The following TTLL10 variants were observed in gnomAD, a reference collection of about 807,000 sequenced individuals.
The protein encoded by TTLL10 is tubulin tyrosine ligase like 10, also known as inactive polyglycylase TTLL10.
Under a neutral mutation model 69.0 loss-of-function variants are expected in TTLL10, and 61 were observed. The ratio of observed to expected loss-of-function variants is 0.88; its 90% CI spans 0.72 to 1.09. TTLL10 has a LOEUF of 1.09. TTLL10 is among the 50% of genes least tolerant of loss of function. The pLI is 0.00. For missense variants in TTLL10, 962 were observed against 945.9 expected (o/e 1.02, Z -0.22); for synonymous variants, 408 against 393.3 (o/e 1.04, Z -0.44).
intron 13 of TTLL10, among the ~76,000 whole-genome samples, chr1:1,187,145 CA>C (rs2100899977): frequency 6.6e-6 from 1 of 152,174 alleles, no homozygotes; most frequent in African/African-American, 2.4e-5. Flanking sequence ...CGCGCCCGGC[CA>C]AAAGTTCTTT....
intron 11 of TTLL10, 136 bp from the exon 12 acceptor site, chr1:1,183,784 C>T: frequency 8.6e-7 from 1 of 1,162,006 alleles, no homozygotes; most frequent in Non-Finnish European, 1.2e-6. Flanking sequence ...CAGAAATGCC[C>T]CCTTTCCCTG....
In TTLL10 at chr1:1,181,533, C is replaced by T. The variant is rs1410422952; in HGVS notation, c.756-208C>T. Among the ~76,000 whole-genome samples the T allele has an allele frequency of 1.3e-5, 2 of 152,154 alleles. No homozygotes were observed. The highest frequency in any genetic ancestry group is 6.5e-5 in the Admixed American group (1 of 15,284). On this transcript the variant is annotated intron_variant, in intron 8 of 15. Transcript: ENST00000379289. This position sits in a 1 kb window ranked among gnomAD's most constrained non-coding sequence, Gnocchi z 4.6. ...ACCCCCCGCCCCTGGTTGCCTGTGA[C>T]ACCAGCTTTACACCATGTCCAGCGT... is the stretch of plus-strand genomic sequence containing the variant.
Position 1,185,198 on chromosome 1 carries a change from G to A in TTLL10, c.1401+89G>A, listed in dbSNP as rs1000228326. The A allele has an allele frequency of 5.8e-6, 9 of 1,554,118 alleles. No homozygotes were observed. Among genetic ancestry groups the A allele is most frequent in the African/African-American group, 4.1e-5 (3 of 72,534 alleles). The stretch of plus-strand genomic sequence containing the variant: ...CTGGGCACCAGGCACACAGATGTCC[G>A]TGGCGTGCGTGGGCGGCTGCGCTGA... On this transcript the variant is annotated intron_variant, in intron 13 of 15. Transcript: ENST00000379289. The surrounding 1 kb of genome is among the most constrained non-coding windows in gnomAD (Gnocchi z 6.1).
At position 1,180,296 on chromosome 1, in the gene TTLL10, G is replaced by A. The variant is rs368069838; in HGVS notation, c.462G>A (p.Arg154=). The A allele has an allele frequency of 3.8e-5, 60 of 1,588,522 alleles. No homozygotes were observed. The highest frequency in any genetic ancestry group is 1.4e-4 in the East Asian group (6 of 43,510). ...GGAAGCCATCGCCCCACAGCACCCG[G>A]CCGGGGCCCTTCTTCTACATTGGAG... is the stretch of plus-strand genomic sequence containing the variant. ...GGGKPSPHST[R]PGPFFYIGGS... The change falls in exon 6 of 16, where the codon CGG becomes CGA. Residue 154 remains arginine, a synonymous_variant. Transcript: ENST00000379289.
chr1:1,197,523 C>T lies in TTLL10; in HGVS notation c.1698C>T (p.His566=), dbSNP rs1164642868. The T allele has an allele frequency of 1.3e-6, 2 of 1,537,156 alleles. No individual in the cohort carries two copies. The highest frequency in any genetic ancestry group is 1.7e-6 in the Non-Finnish European group (2 of 1,144,196). The part of the protein sequence containing the change: ...LLSQRRFVLL[H]NGEADPRPHL... ...CCCAGCGCCGCTTCGTGCTCCTGCA[C>T]AACGGTGAGGCCGACCCGCGGCCGC... The change falls in exon 16 of 16, where the codon CAC becomes CAT. Residue 566 remains histidine, a synonymous_variant. Coordinates refer to ENST00000379289, the MANE Select transcript of TTLL10 (RefSeq NM_001130045.2).
chr1:1,178,741 G>C (rs1460644073), intron 3 of TTLL10, among the ~76,000 whole-genome samples: 8 of 152,128 alleles, frequency 5.3e-5, no homozygotes, highest in Admixed American at 2.6e-4. Context: ...GGCCGCAGAG[G>C]AACCCTGATG....
chr1:1,195,931 G>A (rs955430775), intron 13 of TTLL10, among the ~76,000 whole-genome samples: 5 of 151,604 alleles, frequency 3.3e-5, no homozygotes, highest in African/African-American at 4.8e-5. Context: ...TGTGAGCCAC[G>A]CGCCCGACCA....
Position 1,185,493 on chromosome 1 carries a change from G to A in TTLL10, c.1401+384G>A. 1 of 1,071,670 alleles carries A rather than the reference G, an allele frequency of 9.3e-7. No homozygotes were observed. The highest frequency in any genetic ancestry group is 1.1e-6 in the Non-Finnish European group (1 of 885,422). The allele number at this position is 1,071,670 out of a possible 1,614,324, so 66.4% of individuals were successfully genotyped here. Reference sequence around the variant, plus strand: ...CCGGGCCAGGTGTCCTGGAGCAGCAGCAGCTGCCCGTGCAGGCCCGGACTC... The same window carrying A: ...CCGGGCCAGGTGTCCTGGAGCAGCAACAGCTGCCCGTGCAGGCCCGGACTC... On this transcript the variant is annotated intron_variant, in intron 13 of 15. Coordinates refer to ENST00000379289, the MANE Select transcript of TTLL10 (RefSeq NM_001130045.2). This position sits in a 1 kb window ranked among gnomAD's most constrained non-coding sequence, Gnocchi z 6.1.
chr1:1,180,169 GACCCCCTGGGCTCCTGAAC>G lies in TTLL10; in HGVS notation c.337_355del (p.Pro113AlafsTer74). 6.2e-7 allele frequency: 1 copy of G among 1,611,270 alleles called. No homozygotes were observed. Among genetic ancestry groups the G allele is most frequent in the Non-Finnish European group, 8.5e-7 (1 of 1,179,408 alleles). On this transcript the variant is annotated frameshift_variant, in exon 6 of 16. Transcript: ENST00000379289. LOFTEE classifies it high-confidence loss of function. Reference sequence around the variant, plus strand: ...GCAGAAAGAGCCTCTGCCACACCCGGACCCCCTGGGCTCCTGAACAGCCACCGGCCTGCAGACTCGGATG... The same window carrying G: ...GCAGAAAGAGCCTCTGCCACACCCGGAGCCACCGGCCTGCAGACTCGGATG...
intron 3 of TTLL10, among the ~76,000 whole-genome samples, chr1:1,178,650 T>C (rs1409686163): frequency 2.0e-5 from 3 of 152,024 alleles, no homozygotes; most frequent in East Asian, 1.9e-4. Context: ...GTCGAGGAAC[T>C]GGCTGAAAAT....
At chr1:1,178,982 G>A (rs1646954956) in intron 3 of TTLL10, among the ~76,000 whole-genome samples, 1 of 152,236 alleles carries the variant, frequency 6.6e-6, no homozygotes, top group African/African-American at 2.4e-5. Context: ...GAGACAGGGT[G>A]CAGAGACAGC....
At position 1,185,784 on chromosome 1, in the gene TTLL10, G is replaced by A. The variant is rs867717902; in HGVS notation, c.1401+675G>A. 6.8e-5 allele frequency: 67 copies of A among 985,356 alleles called. No homozygotes were observed. The highest frequency in any genetic ancestry group is 5.2e-4 in the Middle Eastern group (1 of 1,936). 61.0% of individuals were successfully genotyped at this position (985,356 alleles called of 1,614,324 possible). On this transcript the variant is annotated intron_variant, in intron 13 of 15. Coordinates refer to ENST00000379289, the MANE Select transcript of TTLL10 (RefSeq NM_001130045.2). This position sits in a 1 kb window ranked among gnomAD's most constrained non-coding sequence, Gnocchi z 6.1. ...GGCTGGGACGGCAGCGCTCAGAGGA[G>A]CCTCCAGTTACTTTCCTCACATCTC... is the stretch of plus-strand genomic sequence containing the variant.
Position 1,182,556 on chromosome 1 carries a change from G to A in TTLL10, c.916+110G>A, listed in dbSNP as rs559317076. 25 of 1,173,752 alleles carry A rather than the reference G, an allele frequency of 2.1e-5. No individual in the cohort carries two copies. The South Asian group carries it at 2.6e-4, about 12-fold the overall frequency. The allele number at this position is 1,173,752 out of a possible 1,614,324, so 72.7% of individuals were successfully genotyped here. A position where few individuals can be genotyped will look rare whatever the true frequency, so the allele number is the denominator to read the frequency against. On this transcript the variant is annotated intron_variant, in intron 10 of 15. Transcript: ENST00000379289. Reference sequence around the variant, plus strand: ...GCTGGGTCTGGAGGGGCTGCGTGGGGCTGGGACGAGACGAGGTGGTCAGGA... The same window carrying A: ...GCTGGGTCTGGAGGGGCTGCGTGGGACTGGGACGAGACGAGGTGGTCAGGA...
At chr1:1,176,683 C>G (rs900568235) in intron 3 of TTLL10, among the ~76,000 whole-genome samples, 1 of 152,184 alleles carries the variant, frequency 6.6e-6, no homozygotes, top group Non-Finnish European at 1.5e-5. Flanking sequence ...CAGGACCACA[C>G]CTCCTTCCTC....
chr1:1,194,525 A>C (rs1648060986), intron 13 of TTLL10, among the ~76,000 whole-genome samples: 1 of 152,116 alleles, frequency 6.6e-6, no homozygotes, highest in Non-Finnish European at 1.5e-5. Context: ...GGGCGGGTCT[A>C]CCTTTGTTTA....
rs1364439348 is a variant in TTLL10, at chr1:1,181,034, G to T, written c.755+174G>T. ...AGCCCCTGCCCCTGCCCTTGCCCCT[G>T]CCCCTGGCCACCTGGGCTCCCAGGC... On this transcript the variant is annotated intron_variant, in intron 8 of 15. Transcript: ENST00000379289. The surrounding 1 kb of genome is among the most constrained non-coding windows in gnomAD (Gnocchi z 4.6). The T allele has an allele frequency of 3.3e-5, 16 of 485,366 alleles. No individual in the cohort carries two copies. Among genetic ancestry groups the T allele is most frequent in the Admixed American group, 5.1e-5 (1 of 19,776 alleles). 30.1% of individuals were successfully genotyped at this position (485,366 alleles called of 1,614,324 possible). A position where few individuals can be genotyped will look rare whatever the true frequency, so the allele number is the denominator to read the frequency against.
intron 6 of TTLL10, 70 bp from the exon 7 acceptor site, chr1:1,180,413 C>A: frequency 6.5e-7 from 1 of 1,541,452 alleles, no homozygotes. Flanking sequence ...AGCCCGGCCT[C>A]CGCTGGCCGC....
At position 1,182,865 on chromosome 1, in the gene TTLL10, GCT is replaced by G. The variant is rs747885373; in HGVS notation, c.917-6_917-5del. 1.3e-6 allele frequency: 2 copies of G among 1,557,652 alleles called. No homozygotes were observed. On this transcript the variant is annotated splice_polypyrimidine_tract_variant and intron_variant, in intron 10 of 15. Coordinates refer to ENST00000379289, the MANE Select transcript of TTLL10 (RefSeq NM_001130045.2). ...GGGCGAGGCCAGGGGCTCAGGCCGCGCTCTCTGCAGAAACCCAGATATGGATC... is the reference window on the plus strand; with the variant it reads ...GGGCGAGGCCAGGGGCTCAGGCCGCGCTCTGCAGAAACCCAGATATGGATC...
In TTLL10 at chr1:1,197,681, C is replaced by T. The variant is rs555101871; in HGVS notation, c.1856C>T (p.Pro619Leu). The change falls in exon 16 of 16, where the codon CCG becomes CTG. Residue 619 changes from proline to leucine, a missense_variant. Physicochemically the swap from Pro to Leu is moderately conservative, Grantham distance 98. Coordinates refer to ENST00000379289, the MANE Select transcript of TTLL10 (RefSeq NM_001130045.2). The stretch of plus-strand genomic sequence containing the variant: ...AGGCCTGCGCCACCTCCCTTGGTGC[C>T]GCAGCGTCCCCGGCCACCCGGCCCC... ...ARRPAPPPLV[P>L]QRPRPPGPDL... 6.3e-3 allele frequency: 9,561 copies of T among 1,506,452 alleles called. 43 individuals carry two copies. The highest frequency in any genetic ancestry group is 8.7e-3 in the South Asian group (712 of 81,504). 93.3% of individuals were successfully genotyped at this position (1,506,452 alleles called of 1,614,324 possible). A position where few individuals can be genotyped will look rare whatever the true frequency, so the allele number is the denominator to read the frequency against.
Sources: allele counts gnomAD v4.1 joint callset (sites outside exome capture counted in the v4.1 genomes callset), GRCh38; gene constraint gnomAD v4.1.1; non-coding constraint Gnocchi (gnomAD v3.1); transcripts MANE v1.5; gene names NCBI Gene and HGNC (gene_info 2026-07-23, HGNC 2026-07-21).